CXCR5: variants seen among roughly 807,000 people sequenced by gnomAD.
CXCR5 encodes C-X-C motif chemokine receptor 5.
A neutral mutation model predicts 5.6 loss-of-function variants in CXCR5; 3 were observed. That is an observed-to-expected ratio of 0.54 (90% CI 0.24 to 1.39). CXCR5 has a LOEUF of 1.39. Among genes scored for constraint, CXCR5 ranks in the 40% most tolerant of loss-of-function variants. The probability of loss-of-function intolerance (pLI) is 0.16; values close to 1 mark genes in which losing one functional copy is unlikely to be tolerated. For missense variants in CXCR5, 333 were observed against 494.6 expected, an observed-to-expected ratio of 0.67 and a Z score of 3.10; for synonymous variants, 218 against 219.9, an observed-to-expected ratio of 0.99 and a Z score of 0.08.
chr11:118,893,844 G>A lies in CXCR5; in HGVS notation c.300G>A (p.Leu100=), dbSNP rs915286322. The A allele has an allele frequency of 5.6e-6, 9 of 1,614,082 alleles. No homozygotes were observed. Among genetic ancestry groups the A allele is most frequent in the African/African-American group, 1.3e-5 (1 of 75,024 alleles). Residue 100 remains leucine (L), a synonymous_variant, in exon 2 of 2, where the codon CTG becomes CTA. Coordinates refer to ENST00000292174, the MANE Select transcript of CXCR5 (RefSeq NM_001716.5). The surrounding 1 kb of genome is among the most constrained non-coding windows in gnomAD (Gnocchi z 5.7). The part of the protein sequence containing the change: ...LFHLAVADLL[L]VFILPFAVAE... ...ACCTGGCCGTGGCCGACCTCCTGCT[G>A]GTCTTCATCTTGCCCTTTGCCGTGG...
chr11:118,885,106 T>C (rs115402317), intron 1 of CXCR5, among the ~76,000 whole-genome samples: 241 of 152,174 alleles, frequency 1.6e-3, no homozygotes, highest in African/African-American at 5.5e-3. Flanking sequence ...CCACCAACCA[T>C]GTTCCCAGAC....
Position 118,893,865 on chromosome 11 carries a change from C to A in CXCR5, c.321C>A (p.Ala107=). ...TGCTGGTCTTCATCTTGCCCTTTGC[C>A]GTGGCCGAGGGCTCTGTGGGCTGGG... ...DLLLVFILPF[A]VAEGSVGWVL... is the part of the protein sequence containing the mutation. The change falls in exon 2 of 2, where the codon GCC becomes GCA. Residue 107 remains alanine (A), a synonymous_variant. Transcript: ENST00000292174. This position sits in a 1 kb window ranked among gnomAD's most constrained non-coding sequence, Gnocchi z 5.7. The A allele has an allele frequency of 6.2e-7, 1 of 1,614,164 alleles. No individual in the cohort carries two copies. The highest frequency in any genetic ancestry group is 8.5e-7 in the Non-Finnish European group (1 of 1,180,046).
chr11:118,886,075 T>A (rs1939705661), intron 1 of CXCR5: 4 of 312,330 alleles, frequency 1.3e-5, no homozygotes, highest in South Asian at 1.0e-4. Context: ...TCCCTCAGTG[T>A]CACAGTACAA....
Position 118,894,862 on chromosome 11 carries a change from G to A in CXCR5, c.*199G>A. 1 of 510,020 alleles carries A rather than the reference G, an allele frequency of 2.0e-6. No individual in the cohort carries two copies. Among genetic ancestry groups the A allele is most frequent in the Non-Finnish European group, 3.3e-6 (1 of 299,058 alleles). 31.6% of individuals were successfully genotyped at this position (510,020 alleles called of 1,614,324 possible). On this transcript the variant is annotated 3_prime_UTR_variant, in exon 2 of 2. Transcript: ENST00000292174. This position sits in a 1 kb window ranked among gnomAD's most constrained non-coding sequence, Gnocchi z 6.1. ...GCTCTTCTGCCGGCCCTGGGGCTAG[G>A]CTGGAGCCCAGGGAGCGGAAAGCAG...
At position 118,893,968 on chromosome 11, in the gene CXCR5, T is replaced by C; in HGVS notation, c.424T>C (p.Cys142Arg). The change falls in exon 2 of 2, where the codon TGC (cysteine) becomes CGC (arginine). Residue 142 changes from cysteine (C) to arginine (R), a missense_variant. Cys to Arg is a radical substitution (Grantham distance 180, BLOSUM62 -3). Coordinates refer to ENST00000292174, the MANE Select transcript of CXCR5 (RefSeq NM_001716.5). This position sits in a 1 kb window ranked among gnomAD's most constrained non-coding sequence, Gnocchi z 5.7. ...CTACTGCAGCAGCCTGCTCCTGGCC[T>C]GCATCGCCGTGGACCGCTACCTGGC... The part of the protein sequence containing the change: ...NFYCSSLLLA[C>R]IAVDRYLAIV... The C allele has an allele frequency of 6.2e-7, 1 of 1,613,924 alleles. No individual in the cohort carries two copies.
chr11:118,890,580 G>A (rs2137656354), intron 1 of CXCR5, among the ~76,000 whole-genome samples: 1 of 152,174 alleles, frequency 6.6e-6, no homozygotes, highest in East Asian at 1.9e-4. Context: ...AGACAGGAAT[G>A]TGTTGGGGTG....
In CXCR5 at chr11:118,897,553, A is replaced by G. The variant is rs1020773330; in HGVS notation, c.*2890A>G. The stretch of plus-strand genomic sequence containing the variant: ...GGTCTCAGCCCTGCTAGGGCTCACC[A>G]GGTGGAAGCCTAGGTGGTCTGACCT... On this transcript the variant is annotated 3_prime_UTR_variant, in exon 2 of 2. Transcript: ENST00000292174. 3 of 349,788 alleles carry G rather than the reference A, an allele frequency of 8.6e-6. No homozygotes were observed. The highest frequency in any genetic ancestry group is 6.5e-5 in the African/African-American group (3 of 46,306). 21.7% of individuals were successfully genotyped at this position (349,788 alleles called of 1,614,324 possible).
chr11:118,893,959 C>T lies in CXCR5; in HGVS notation c.415C>T (p.Leu139Phe). The T allele has an allele frequency of 1.9e-6, 3 of 1,613,990 alleles. No individual in the cohort carries two copies. The highest frequency in any genetic ancestry group is 8.5e-7 in the Non-Finnish European group (1 of 1,180,046). The change falls in exon 2 of 2, where the codon CTC (leucine) becomes TTC (phenylalanine). Residue 139 changes from leucine (L) to phenylalanine (F), a missense_variant. Leu to Phe is a conservative substitution (Grantham distance 22, BLOSUM62 0). Transcript: ENST00000292174. The surrounding 1 kb of genome is among the most constrained non-coding windows in gnomAD (Gnocchi z 5.7). ...HKVNFYCSSL[L>F]LACIAVDRYL... ...AGTCAACTTCTACTGCAGCAGCCTG[C>T]TCCTGGCCTGCATCGCCGTGGACCG...
chr11:118,886,081 T>G (rs1939705698), intron 1 of CXCR5: 1 of 320,866 alleles, frequency 3.1e-6, no homozygotes, highest in African/African-American at 2.2e-5. Flanking sequence ...AGTGTCACAG[T>G]ACAAAAACCT....
At chr11:118,892,719 C>T (rs1400265627) in intron 1 of CXCR5, among the ~76,000 whole-genome samples, 1 of 151,954 alleles carries the variant, frequency 6.6e-6, no homozygotes, top group Admixed American at 6.5e-5. Context: ...AGGGAACTTC[C>T]GGAGACATCA....
intron 1 of CXCR5, among the ~76,000 whole-genome samples, chr11:118,885,473 C>T (rs575776305): frequency 1.3e-5 from 2 of 152,172 alleles, no homozygotes; most frequent in African/African-American, 4.8e-5. Context: ...CTGGGCAATA[C>T]CCCAAATCAG....
chr11:118,886,765 G>T (rs1646731704), intron 1 of CXCR5: 1 of 206,784 alleles, frequency 4.8e-6, no homozygotes, highest in Non-Finnish European at 9.9e-6. Flanking sequence ...GCCGGGAGGG[G>T]AAGCTGCTAT....
In CXCR5 at chr11:118,893,973, C is replaced by T. The variant is rs1350128125; in HGVS notation, c.429C>T (p.Ile143=). ...FYCSSLLLAC[I]AVDRYLAIVH... The stretch of plus-strand genomic sequence containing the variant: ...GCAGCAGCCTGCTCCTGGCCTGCAT[C>T]GCCGTGGACCGCTACCTGGCCATTG... The change falls in exon 2 of 2, where the codon ATC becomes ATT. Residue 143 remains isoleucine (I), a synonymous_variant. Transcript: ENST00000292174. This position sits in a 1 kb window ranked among gnomAD's most constrained non-coding sequence, Gnocchi z 5.7. The T allele has an allele frequency of 4.3e-6, 7 of 1,613,936 alleles. No individual in the cohort carries two copies. The highest frequency in any genetic ancestry group is 3.3e-5 in the Admixed American group (2 of 60,026).
chr11:118,886,380 G>A lies in CXCR5; in HGVS notation c.51+2388G>A, dbSNP rs374331312. On this transcript the variant is annotated intron_variant, in intron 1 of 1. Coordinates refer to ENST00000292174, the MANE Select transcript of CXCR5 (RefSeq NM_001716.5). ...AAAAAAAAAGGAACTGGGGGCTCCT[G>A]GCCATAAGCCAGGTTCGTCATTCTG... is the stretch of plus-strand genomic sequence containing the variant. 19 of 433,590 alleles carry A rather than the reference G, an allele frequency of 4.4e-5. No homozygotes were observed. In the East Asian group the frequency reaches 7.7e-4, roughly 18 times the overall value. The allele number at this position is 433,590 out of a possible 1,614,324, so 26.9% of individuals were successfully genotyped here.
At chr11:118,887,108 G>T in intron 1 of CXCR5, 1 of 347,314 alleles carries the variant, frequency 2.9e-6, no homozygotes, top group Non-Finnish European at 4.1e-6. Context: ...GCCAAGCTGA[G>T]GATGGGTCAG....
At chr11:118,886,676 C>G in intron 1 of CXCR5, 1 of 288,992 alleles carries the variant, frequency 3.5e-6, no homozygotes, top group South Asian at 3.1e-5. Context: ...GAGCCTCCTT[C>G]CAACAGAACC....
chr11:118,886,230 C>T (rs1239731011), intron 1 of CXCR5: 2 of 413,722 alleles, frequency 4.8e-6, no homozygotes, highest in African/African-American at 4.2e-5. Context: ...CTTCTGCTTC[C>T]TATTCTCCTC....
At chr11:118,885,281 G>A (rs1167614004) in intron 1 of CXCR5, among the ~76,000 whole-genome samples, 1 of 152,180 alleles carries the variant, frequency 6.6e-6, no homozygotes, top group African/African-American at 2.4e-5. Flanking sequence ...ACCAGGACCT[G>A]CTACATAATT....
Position 118,883,972 on chromosome 11 carries a change from C to T in CXCR5, c.31C>T (p.Leu11Phe). The T allele has an allele frequency of 6.2e-7, 1 of 1,612,840 alleles. No individual in the cohort carries two copies. Among genetic ancestry groups the T allele is most frequent in the Non-Finnish European group, 8.5e-7 (1 of 1,179,348 alleles). Reference protein sequence around the residue: MNYPLTLEMDLENLEDLFWEL... With the variant: MNYPLTLEMDFENLEDLFWEL... Reference sequence around the variant, plus strand: ...CTACCCGCTAACGCTGGAAATGGACCTCGAGAACCTGGAGGACCTGGTGAG... The same window carrying T: ...CTACCCGCTAACGCTGGAAATGGACTTCGAGAACCTGGAGGACCTGGTGAG... Residue 11 changes from leucine (L) to phenylalanine (F), a missense_variant, in exon 1 of 2, where the codon CTC (leucine) becomes TTC (phenylalanine). Physicochemically the swap from Leu to Phe is conservative, Grantham distance 22 (BLOSUM62 0). Coordinates refer to ENST00000292174, the MANE Select transcript of CXCR5 (RefSeq NM_001716.5).
Sources: allele counts gnomAD v4.1 joint callset (sites outside exome capture counted in the v4.1 genomes callset), GRCh38; gene constraint gnomAD v4.1.1; non-coding constraint Gnocchi (gnomAD v3.1); transcripts MANE v1.5; gene names NCBI Gene and HGNC (gene_info 2026-07-23, HGNC 2026-07-21).